SYT14: variants seen among roughly 807,000 people sequenced by gnomAD.
SYT14 encodes synaptotagmin-14.
Under a neutral mutation model 74.2 loss-of-function variants are expected in SYT14, and 32 were observed. The ratio of observed to expected loss-of-function variants is 0.43; its 90% CI spans 0.33 to 0.58. The LOEUF is 0.58. SYT14 is among the 20% of genes least tolerant of loss of function. SYT14 has a pLI of 0.05. For synonymous variants in SYT14, 298 were observed against 337.7 expected, an observed-to-expected ratio of 0.88 and a Z score of 1.29; for missense variants, 791 against 981.8, an observed-to-expected ratio of 0.81 and a Z score of 2.60.
intron 5 of SYT14, among the ~76,000 whole-genome samples, chr1:210,078,619 C>T (rs182645004): frequency 1.8e-4 from 27 of 152,150 alleles, no homozygotes; most frequent in Non-Finnish European, 1.5e-5. Context: ...TTGAAATTCA[C>T]AGGTCTAGAG....
chr1:210,082,922 T>G (rs1480413062), intron 5 of SYT14, among the ~76,000 whole-genome samples: 1 of 152,188 alleles, frequency 6.6e-6, no homozygotes, highest in Non-Finnish European at 1.5e-5. Context: ...AATAAGATTG[T>G]ACTGGTAGAA....
Position 210,164,286 on chromosome 1 carries a change from T to TA in SYT14, c.*3253dup, listed in dbSNP as rs201868266. ...CAAGAATAATAAATTGGACCACAAT[T>TA]AAAAAAAAAGAAAACCCAATGAGAA... is the stretch of plus-strand genomic sequence containing the variant. On this transcript the variant is annotated 3_prime_UTR_variant, in exon 10 of 10. Coordinates refer to ENST00000637265, the Ensembl canonical transcript of SYT14. 5.1e-3 allele frequency: 1,194 copies of TA among 234,184 alleles called. 11 individuals carry two copies. The highest frequency in any genetic ancestry group is 0.02 in the African/African-American group (880 of 43,046). 14.5% of individuals were successfully genotyped at this position (234,184 alleles called of 1,614,324 possible). A position where few individuals can be genotyped will look rare whatever the true frequency, so the allele number is the denominator to read the frequency against.
At position 210,079,723 on chromosome 1, in the gene SYT14, G is replaced by GC. The variant is rs1479194291; in HGVS notation, c.1313-14598dup. Among the ~76,000 whole-genome samples, 14 of 152,292 alleles carry GC rather than the reference G, an allele frequency of 9.2e-5. No individual in the cohort carries two copies. In the South Asian group the frequency reaches 2.3e-3, roughly 25 times the overall value. On this transcript the variant is annotated intron_variant, in intron 5 of 9. Coordinates refer to ENST00000637265, the Ensembl canonical transcript of SYT14. ...TTTGAGTCATTGGACAGTAGGCAGG[G>GC]CAGGGATATGATCCATGAGAGAAAG...
chr1:210,012,975 T>G (rs1372753356), intron 2 of SYT14, among the ~76,000 whole-genome samples: 1 of 152,118 alleles, frequency 6.6e-6, no homozygotes, highest in African/African-American at 2.4e-5. Context: ...ATGCTGGGAT[T>G]GCAGGCATGA....
At chr1:210,108,739 A>G (rs1572316993) in intron 7 of SYT14, among the ~76,000 whole-genome samples, 1 of 152,216 alleles carries the variant, frequency 6.6e-6, no homozygotes, top group South Asian at 2.1e-4. Context: ...TAAATGGTAG[A>G]TCATGAAATA....
chr1:210,079,474 G>A (rs1017627533), intron 5 of SYT14, among the ~76,000 whole-genome samples: 2 of 152,194 alleles, frequency 1.3e-5, no homozygotes, highest in South Asian at 2.1e-4. Flanking sequence ...CCCATAAAAC[G>A]TAATAGTGAA....
At chr1:210,059,392 A>G (rs2081158694) in intron 5 of SYT14, among the ~76,000 whole-genome samples, 1 of 148,710 alleles carries the variant, frequency 6.7e-6, no homozygotes, top group African/African-American at 2.5e-5. Flanking sequence ...AAGATAAATT[A>G]TATATATACC....
intron 7 of SYT14, among the ~76,000 whole-genome samples, chr1:210,106,727 C>T (rs1438188038): frequency 1.3e-5 from 2 of 152,154 alleles, no homozygotes; most frequent in East Asian, 3.9e-4. Flanking sequence ...ATGGGAACTA[C>T]AATCCAAGGT....
chr1:210,151,591 T>C (rs2083165216), intron 7 of SYT14, among the ~76,000 whole-genome samples: 2 of 150,754 alleles, frequency 1.3e-5, no homozygotes, highest in African/African-American at 4.9e-5. Context: ...GTGATCTCTT[T>C]GGACTGCCAC....
In SYT14 at chr1:210,000,613, C is replaced by CTTTTTTTTTTTTTTTTTTTTTT. The variant is rs71146203; in HGVS notation, c.-485-13001_-485-13000insTTTTTTTTTTTTTTTTTTTTTT. Among the ~76,000 whole-genome samples the CTTTTTTTTTTTTTTTTTTTTTT allele has an allele frequency of 3.6e-4, 38 of 105,416 alleles. 2 individuals carry two copies. Among genetic ancestry groups the CTTTTTTTTTTTTTTTTTTTTTT allele is most frequent in the East Asian group, 2.0e-3 (7 of 3,426 alleles). 69.2% of individuals were successfully genotyped at this position (105,416 alleles called of 152,430 possible). ...TTTCATTAGGGCTGTTTTATGCCTT[C>CTTTTTTTTTTTTTTTTTTTTTT]TTTTTTTTTTTTTTTTTTTGAGATA... is the stretch of plus-strand genomic sequence containing the variant. On this transcript the variant is annotated intron_variant, in intron 2 of 9. Coordinates refer to ENST00000637265, the Ensembl canonical transcript of SYT14.
intron 2 of SYT14, among the ~76,000 whole-genome samples, chr1:210,002,867 A>G (rs2102885125): frequency 6.6e-6 from 1 of 152,254 alleles, no homozygotes; most frequent in Admixed American, 6.5e-5. Flanking sequence ...TTGCAAATAC[A>G]TTATTCCATA....
chr1:210,073,784 A>G (rs2081438356), intron 5 of SYT14, among the ~76,000 whole-genome samples: 1 of 152,132 alleles, frequency 6.6e-6, no homozygotes, highest in Admixed American at 6.5e-5. Flanking sequence ...ATACACAACA[A>G]AAAATGTATT....
intron 2 of SYT14, among the ~76,000 whole-genome samples, chr1:210,005,754 T>A (rs1217124855): frequency 6.6e-6 from 1 of 151,980 alleles, no homozygotes; most frequent in Non-Finnish European, 1.5e-5. Context: ...CAGAGATTGA[T>A]AGAGTTTTAT....
chr1:210,027,879 CT>C (rs572371539), intron 5 of SYT14, among the ~76,000 whole-genome samples: 1 of 151,910 alleles, frequency 6.6e-6, no homozygotes, highest in Non-Finnish European at 1.5e-5. Flanking sequence ...GTATTTTTCC[CT>C]TTTTATTCCT....
At chr1:209,975,990 T>A (rs1558104238) in intron 2 of SYT14, among the ~76,000 whole-genome samples, 1 of 152,222 alleles carries the variant, frequency 6.6e-6, no homozygotes, top group Admixed American at 6.5e-5. Context: ...TTTATTTGCA[T>A]AGAGGTGTTT....
chr1:210,001,706 G>A (rs144993966), intron 2 of SYT14, among the ~76,000 whole-genome samples: 275 of 152,214 alleles, frequency 1.8e-3, no homozygotes, highest in African/African-American at 6.1e-3. Context: ...TTAAAATAGG[G>A]TTGACAGAGT....
chr1:210,016,715 G>C (rs2080191137), exon 4 of SYT14: 1 of 1,231,726 alleles, frequency 8.1e-7, no homozygotes, highest in Non-Finnish European at 1.0e-6. Flanking sequence ...TTTGGGAAGA[G>C]ATCAAGAGAA....
At chr1:209,991,447 A>T (rs1198364948) in intron 2 of SYT14, among the ~76,000 whole-genome samples, 2 of 152,168 alleles carry the variant, frequency 1.3e-5, no homozygotes, top group African/African-American at 2.4e-5. Flanking sequence ...TCCCTCAAAT[A>T]ACCCCATTAA....
exon 10 of SYT14, chr1:210,162,230 C>G (rs1404315784): frequency 2.3e-6 from 1 of 430,432 alleles, no homozygotes; most frequent in East Asian, 7.2e-5. Flanking sequence ...GTGATGTCAT[C>G]TTGTGCCTTT....
Sources: gnomAD v4.1 joint callset for allele counts (sites outside exome capture counted in the v4.1 genomes callset) on GRCh38, gnomAD v4.1.1 for gene constraint, MANE v1.5 for transcripts, NCBI Gene and HGNC (gene_info 2026-07-23, HGNC 2026-07-21) for gene names.